Variants in DNAH1 observed in about 807,000 individuals in gnomAD.
The protein encoded by DNAH1 is axonemal beta dynein heavy chain 1.
A neutral mutation model predicts 484.3 loss-of-function variants in DNAH1; 327 were observed. The observed-to-expected ratio is 0.68, with a 90% confidence interval of 0.62 to 0.74. DNAH1 has a LOEUF of 0.74. Among genes scored for constraint, DNAH1 ranks in the 30% least tolerant of loss-of-function variants. DNAH1 has a pLI of 0.00. For missense variants in DNAH1, 5,052 were observed against 5,546.8 expected (o/e 0.91, Z 2.83); for synonymous variants, 2,192 against 2,191.9 (o/e 1.00, Z 0.00).
intron 47 of DNAH1, 71 bp downstream of exon 47, chr3:52,378,851 C>A: frequency 6.3e-7 from 1 of 1,581,874 alleles, no homozygotes. Context: ...CCACCAATTT[C>A]AGGCCTTCCT....
Position 52,393,401 on chromosome 3 carries a change from C to T in DNAH1, c.10542C>T (p.Cys3514=), listed in dbSNP as rs1383904900. The T allele has an allele frequency of 1.9e-6, 3 of 1,614,060 alleles. No homozygotes were observed. The highest frequency in any genetic ancestry group is 4.5e-5 in the East Asian group (2 of 44,888). ...CCTACAGCCTCTACAGCAACGTCTGCCGCAGCCTCTTTGAGAAGCACAAGC... is the reference window on the plus strand; with the variant it reads ...CCTACAGCCTCTACAGCAACGTCTGTCGCAGCCTCTTTGAGAAGCACAAGC... The part of the protein sequence containing the change: ...YLTYSLYSNV[C]RSLFEKHKLM... Residue 3514 remains cysteine, a synonymous_variant, in exon 66 of 78, where the codon TGC becomes TGT. Transcript: ENST00000420323.
At chr3:52,377,416 G>T (rs1013534680) in intron 46 of DNAH1, among the ~76,000 whole-genome samples, 3 of 151,906 alleles carry the variant, frequency 2.0e-5, no homozygotes, top group Non-Finnish European at 4.4e-5. Flanking sequence ...CAGTGCTGTA[G>T]CCCCGCCATG....
chr3:52,339,825 T>A (rs1290968496), intron 8 of DNAH1, among the ~76,000 whole-genome samples: 1 of 152,118 alleles, frequency 6.6e-6, no homozygotes, highest in East Asian at 1.9e-4. Flanking sequence ...TGTGTGTGTG[T>A]GTGTGTACAC....
rs747786400 is a variant in DNAH1 at position 52,391,570 on chromosome 3, A to G, written c.10019A>G (p.Lys3340Arg). The change falls in exon 63 of 78, where the codon AAA becomes AGA. Residue 3340 changes from lysine to arginine, a missense_variant. Lys to Arg is a conservative substitution (Grantham distance 26, BLOSUM62 2). This residue lies in a region of DNAH1 where 2,929 missense variants were observed against 3,409.4 expected (regional missense o/e 0.86). Coordinates refer to ENST00000420323, the MANE Select transcript of DNAH1 (RefSeq NM_015512.5). ...CACTACACGCCCGAGATCTCCACCA[A>G]ACTCACCCTCATCAACTTCACCCTG... ...NPHYTPEIST[K>R]LTLINFTLSP... 1 of 1,613,380 alleles carries G rather than the reference A, an allele frequency of 6.2e-7. No homozygotes were observed. Among genetic ancestry groups the G allele is most frequent in the Non-Finnish European group, 8.5e-7 (1 of 1,179,688 alleles).
intron 44 of DNAH1, chr3:52,373,959 C>T: frequency 8.2e-7 from 1 of 1,224,362 alleles, no homozygotes; most frequent in Non-Finnish European, 1.2e-6. Context: ...CTGGCTTCAT[C>T]TACACTTATT....
chr3:52,372,538 TCA>T (rs925343929), intron 43 of DNAH1, among the ~76,000 whole-genome samples, 151 bp downstream of exon 43: 1 of 152,206 alleles, frequency 6.6e-6, no homozygotes, highest in Non-Finnish European at 1.5e-5. Context: ...CAGGGTTCCC[TCA>T]CAGACTGCTC....
Position 52,345,542 on chromosome 3 carries a change from T to A in DNAH1, c.1492T>A (p.Phe498Ile), listed in dbSNP as rs373186722. The A allele has an allele frequency of 2.5e-6, 4 of 1,585,100 alleles. No individual in the cohort carries two copies. The African/African-American group carries it at 5.4e-5, about 21-fold the overall frequency. Residue 498 changes from phenylalanine (F) to isoleucine (I), a missense_variant, in exon 10 of 78, where the codon TTC (phenylalanine) becomes ATC (isoleucine). Phe to Ile is a conservative substitution (Grantham distance 21, BLOSUM62 0). This residue lies in a region of DNAH1 where 1,263 missense variants were observed against 1,218.8 expected (regional missense o/e 1.04). Coordinates refer to ENST00000420323, the MANE Select transcript of DNAH1 (RefSeq NM_015512.5). Reference protein sequence around the residue: ...KYHFWEQKEDFTFVSLLTRPE... With the variant: ...KYHFWEQKEDITFVSLLTRPE... ...CCACTTCTGGGAGCAGAAGGAGGAC[T>A]TCACTTTCGTGTCCCTGCTCACACG...
At chr3:52,332,728 T>C (rs1234176123) in intron 8 of DNAH1, among the ~76,000 whole-genome samples, 1 of 152,220 alleles carries the variant, frequency 6.6e-6, no homozygotes, top group Non-Finnish European at 1.5e-5. Context: ...TTTCCATCAT[T>C]CTTCAAAACC....
chr3:52,389,731 G>T, intron 60 of DNAH1, 145 bp downstream of exon 60: 1 of 1,003,804 alleles, frequency 1.0e-6, no homozygotes, highest in Non-Finnish European at 1.3e-6. Flanking sequence ...CCCAGCAAGA[G>T]GGTGGTAGGA....
At position 52,364,120 on chromosome 3, in the gene DNAH1, C is replaced by T. The variant is rs1030678722; in HGVS notation, c.5245-518C>T. Among the ~76,000 whole-genome samples the T allele has an allele frequency of 2.4e-4, 37 of 152,316 alleles. No homozygotes were observed. The highest frequency in any genetic ancestry group is 4.0e-4 in the Non-Finnish European group (27 of 68,034). ...CTATGGGTTGGGTCTAGATGGAGTC[C>T]TCTTGGTTGGGCACCATGGGGCAGA... On this transcript the variant is annotated intron_variant, in intron 32 of 77. Coordinates refer to ENST00000420323, the MANE Select transcript of DNAH1 (RefSeq NM_015512.5). The surrounding 1 kb of genome is among the most constrained non-coding windows in gnomAD (Gnocchi z 4.2).
At chr3:52,371,052 A>G (rs1703317033) in intron 41 of DNAH1, among the ~76,000 whole-genome samples, 1 of 152,206 alleles carries the variant, frequency 6.6e-6, no homozygotes, top group Non-Finnish European at 1.5e-5. Flanking sequence ...GGCTGGGCTA[A>G]GAGGGGAGAC....
intron 8 of DNAH1, among the ~76,000 whole-genome samples, chr3:52,338,265 T>A (rs1332475882): frequency 1.3e-5 from 2 of 152,100 alleles, no homozygotes; most frequent in Non-Finnish European, 2.9e-5. Context: ...CCTACCACCA[T>A]GCCTGGCTAT....
intron 1 of DNAH1, among the ~76,000 whole-genome samples, chr3:52,317,717 A>G (rs548613458): frequency 1.3e-5 from 2 of 152,314 alleles, no homozygotes; most frequent in South Asian, 4.1e-4. Flanking sequence ...GGAACATCCC[A>G]GTCCCACTGT....
chr3:52,348,797 C>T (rs755089868), intron 12 of DNAH1, 91 bp from the exon 13 acceptor site: 3 of 1,434,084 alleles, frequency 2.1e-6, no homozygotes, highest in East Asian at 2.3e-5. Context: ...CCCTGCTTGC[C>T]CTGCTCCTCG....
At chr3:52,310,972 T>G in the DNAH1 span, among the ~76,000 whole-genome samples, 39 of 152,296 alleles carry the variant, frequency 2.6e-4, no homozygotes, top group African/African-American at 9.1e-4. Context: ...TGAGCTGGTG[T>G]TGTGCAGGGC....
rs1704235471 is a variant in DNAH1 at position 52,388,797 on chromosome 3, C to A, written c.9364-9C>A. 1.2e-6 allele frequency: 2 copies of A among 1,612,984 alleles called. No individual in the cohort carries two copies. The highest frequency in any genetic ancestry group is 1.7e-4 in the Middle Eastern group (1 of 6,048). On this transcript the variant is annotated splice_polypyrimidine_tract_variant and intron_variant, in intron 58 of 77. Transcript: ENST00000420323. ...TCCCAGAGCCCACCCCACGGGGCTGCCCCTCCAGCTCATCAACGGGCTGTC... is the reference window on the plus strand; with the variant it reads ...TCCCAGAGCCCACCCCACGGGGCTGACCCTCCAGCTCATCAACGGGCTGTC...
At position 52,375,994 on chromosome 3, in the gene DNAH1, G is replaced by C. The variant is rs367692811; in HGVS notation, c.7198+1G>C. The C allele has an allele frequency of 1.6e-5, 26 of 1,611,932 alleles. No individual in the cohort carries two copies. Among genetic ancestry groups the C allele is most frequent in the Non-Finnish European group, 2.1e-5 (25 of 1,179,372 alleles). On this transcript the variant is annotated splice_donor_variant, in intron 46 of 77. Transcript: ENST00000420323. LOFTEE classifies it high-confidence loss of function. ...GAAAAAAGCTACCGGGAGCGTGTGC[G>C]TAAGTGTGGGCCTGGGCGGGAATGG...
chr3:52,344,474 C>A lies in DNAH1; in HGVS notation c.1287-16C>A. ...GTGGAGCCCCTGATTCCCCCATCTC[C>A]CATCTCTATGGGCAGGGTTCTAGAG... On this transcript the variant is annotated splice_polypyrimidine_tract_variant and intron_variant, in intron 8 of 77. Coordinates refer to ENST00000420323, the MANE Select transcript of DNAH1 (RefSeq NM_015512.5). 4.3e-6 allele frequency: 7 copies of A among 1,610,314 alleles called. No individual in the cohort carries two copies. Among genetic ancestry groups the A allele is most frequent in the Non-Finnish European group, 5.9e-6 (7 of 1,177,096 alleles).
chr3:52,370,355 G>A (rs768939703), intron 39 of DNAH1, 122 bp from the exon 40 acceptor site: 9 of 1,546,412 alleles, frequency 5.8e-6, no homozygotes, highest in Non-Finnish European at 7.9e-6. Context: ...AAGACCACCT[G>A]TCCAATTGGC....
Sources: gnomAD v4.1 joint callset for allele counts (sites outside exome capture counted in the v4.1 genomes callset) on GRCh38, gnomAD v4.1.1 for gene constraint, gnomAD v4.1.1 regional missense constraint, Gnocchi (gnomAD v3.1) non-coding constraint, MANE v1.5 for transcripts, NCBI Gene and HGNC (gene_info 2026-07-23, HGNC 2026-07-21) for gene names.